Variants in HYCC2 observed in about 807,000 individuals in gnomAD.
HYCC2 encodes the protein hyccin 2.
At chr2:200,985,413 C>G in the HYCC2 span, among the ~76,000 whole-genome samples, 1 of 152,100 alleles carries the variant, frequency 6.6e-6, no homozygotes, top group African/African-American at 2.4e-5. Flanking sequence ...GTAATCCCAG[C>G]ACCCTGGGAG....
the HYCC2 span, chr2:201,024,050 A>G: frequency 6.6e-7 from 1 of 1,507,502 alleles, no homozygotes; most frequent in Non-Finnish European, 9.2e-7. Flanking sequence ...CTAAAAGAAA[A>G]AAGTATTGAA....
chr2:201,035,949 T>C, the HYCC2 span, among the ~76,000 whole-genome samples: 1 of 152,140 alleles, frequency 6.6e-6, no homozygotes, highest in East Asian at 1.9e-4. Context: ...TGCTGCCTGA[T>C]CGTTCCTCTG....
chr2:201,007,322 A>G, the HYCC2 span, among the ~76,000 whole-genome samples: 4 of 152,220 alleles, frequency 2.6e-5, no homozygotes, highest in African/African-American at 9.6e-5. Flanking sequence ...CCTACCTTAA[A>G]TGTGCTCAGA....
the HYCC2 span, among the ~76,000 whole-genome samples, chr2:201,016,265 C>T: frequency 6.6e-6 from 1 of 152,132 alleles, no homozygotes; most frequent in African/African-American, 2.4e-5. Flanking sequence ...TTAGTTCAAA[C>T]AAGTTACACT....
chr2:200,988,295 C>A, the HYCC2 span: 1 of 1,613,018 alleles, frequency 6.2e-7, no homozygotes, highest in South Asian at 1.1e-5. Flanking sequence ...CGGATTGAAG[C>A]TGTTGTAATT....
the HYCC2 span, among the ~76,000 whole-genome samples, chr2:201,056,434 C>T: frequency 6.6e-6 from 1 of 151,942 alleles, no homozygotes; most frequent in African/African-American, 2.4e-5. Flanking sequence ...TAGCACTTTG[C>T]GAGGCTGAGG....
chr2:201,063,611 T>G, the HYCC2 span: 1 of 1,580,132 alleles, frequency 6.3e-7, no homozygotes, highest in South Asian at 1.1e-5. Flanking sequence ...TGGCCACAAC[T>G]GTGAAGTTAG....
the HYCC2 span, chr2:200,980,680 G>T: frequency 7.2e-3 from 1,109 of 153,730 alleles, 46 homozygotes; most frequent in Admixed American, 0.064. Context: ...GAGATGGGGG[G>T]GTGGAGAAAG....
chr2:201,016,382 C>T, the HYCC2 span, among the ~76,000 whole-genome samples: 4 of 152,136 alleles, frequency 2.6e-5, no homozygotes, highest in East Asian at 1.9e-4. Context: ...TCGATGTCCT[C>T]GGCTCCAGAG....
the HYCC2 span, among the ~76,000 whole-genome samples, chr2:201,034,150 TATAATC>T: frequency 2.6e-5 from 4 of 151,198 alleles, no homozygotes; most frequent in South Asian, 8.3e-4. Context: ...TGGTATTAAT[TATAATC>T]ATAACACATA....
At chr2:200,979,929 G>A in the HYCC2 span, 67 of 152,638 alleles carry the variant, frequency 4.4e-4, no homozygotes, top group Middle Eastern at 3.4e-3. Context: ...TCAACATCTA[G>A]CTTACTGGCA....
At chr2:201,046,390 ATG>A in the HYCC2 span, among the ~76,000 whole-genome samples, 1 of 152,154 alleles carries the variant, frequency 6.6e-6, no homozygotes, top group South Asian at 2.1e-4. Context: ...GGGCTTTCAC[ATG>A]TGAGTTTTGT....
At chr2:200,999,321 C>G in the HYCC2 span, among the ~76,000 whole-genome samples, 56 of 151,948 alleles carry the variant, frequency 3.7e-4, no homozygotes, top group Non-Finnish European at 3.8e-4. Context: ...AACTTTTGCA[C>G]CAATACTAGC....
chr2:201,056,967 A>G, the HYCC2 span, among the ~76,000 whole-genome samples: 34 of 152,330 alleles, frequency 2.2e-4, no homozygotes, highest in African/African-American at 8.2e-4. Flanking sequence ...GCCAATAGCA[A>G]TGCCCTGAAT....
chr2:201,029,372 G>A, the HYCC2 span, among the ~76,000 whole-genome samples: 3 of 152,282 alleles, frequency 2.0e-5, no homozygotes, highest in Non-Finnish European at 4.4e-5. Flanking sequence ...ACAGTGCAGC[G>A]ATTCCTCAAG....
the HYCC2 span, chr2:201,011,248 T>G: frequency 2.0e-6 from 1 of 497,548 alleles, no homozygotes; most frequent in Non-Finnish European, 3.5e-6. Flanking sequence ...TCGTCACAGC[T>G]CAGTCTTCTA....
the HYCC2 span, among the ~76,000 whole-genome samples, chr2:201,042,758 C>G: frequency 6.6e-6 from 1 of 150,438 alleles, no homozygotes; most frequent in Non-Finnish European, 1.5e-5. Context: ...AGCCCCCGCC[C>G]GCCGCCCCGT....
the HYCC2 span, among the ~76,000 whole-genome samples, chr2:200,985,505 A>AG: frequency 6.6e-6 from 1 of 151,976 alleles, no homozygotes; most frequent in Non-Finnish European, 1.5e-5. Context: ...TACTAAAAAT[A>AG]CAAAAAAACT....
the HYCC2 span, among the ~76,000 whole-genome samples, chr2:201,032,749 TTGGCTCAGTTGA>T: frequency 6.6e-6 from 1 of 152,170 alleles, no homozygotes. Context: ...CTCAAACTCC[TTGGCTCAGTTGA>T]TCCTCCTGCC....
Sources: allele counts gnomAD v4.1 joint callset (sites outside exome capture counted in the v4.1 genomes callset), GRCh38; gene constraint gnomAD v4.1.1; transcripts MANE v1.5; gene names NCBI Gene and HGNC (gene_info 2026-07-23, HGNC 2026-07-21).